PDE4C: variants seen among roughly 807,000 people sequenced by gnomAD.
PDE4C encodes phosphodiesterase 4C.
In PDE4C, 50 loss-of-function variants were observed where a neutral mutation model predicts 63.9. The observed-to-expected ratio is 0.78, with a 90% CI of 0.62 to 0.99. The LOEUF is 0.99. PDE4C is among the 50% of genes least tolerant of loss of function. The pLI, the probability that PDE4C is intolerant of heterozygous loss-of-function variation, is 0.00. For missense variants in PDE4C, 777 were observed against 899.1 expected (o/e 0.86, Z 1.74); for synonymous variants, 377 against 385.1 (o/e 0.98, Z 0.25).
Position 18,219,226 on chromosome 19 carries a change from G to A in PDE4C, c.870+8C>T. 6.2e-7 allele frequency: 1 copy of A among 1,614,086 alleles called. No individual in the cohort carries two copies. The highest frequency in any genetic ancestry group is 1.3e-5 in the African/African-American group (1 of 75,044). ...ACCTTGATCTTGGCATTGTGGTTGG[G>A]GACCCACCTTGGCCAGTTGCTCCTC... On this transcript the variant is annotated splice_region_variant and intron_variant, in intron 8 of 14. Transcript: ENST00000262805.
At chr19:18,231,089 G>A (rs573750987), upstream of PDE4C, among the ~76,000 whole-genome samples, 53 of 152,322 alleles carry the variant, frequency 3.5e-4, 1 homozygote, top group African/African-American at 1.2e-3. Flanking sequence ...CCGAGGCTCC[G>A]GGAGGCACCA....
At chr19:18,224,298 C>T (rs950357562) in intron 1 of PDE4C, 4 of 985,472 alleles carry the variant, frequency 4.1e-6, no homozygotes, top group Non-Finnish European at 4.8e-6. Context: ...ACCGGGACCG[C>T]CTGAGACTCG....
At chr19:18,216,707 G>T in intron 12 of PDE4C, 34 bp downstream of exon 12, 2 of 1,533,034 alleles carry the variant, frequency 1.3e-6, no homozygotes, top group Non-Finnish European at 8.8e-7. Flanking sequence ...GCTCCCCTCT[G>T]CCCCTCCCGC....
exon 15 of PDE4C, chr19:18,211,089 A>G (rs371324110): frequency 6.2e-7 from 1 of 1,614,142 alleles, no homozygotes; most frequent in African/African-American, 1.3e-5. Context: ...CTCCAGAGTC[A>G]GTTCAAACTG....
intron 11 of PDE4C, 78 bp downstream of exon 11, chr19:18,218,071 C>T: frequency 9.3e-7 from 1 of 1,069,936 alleles, no homozygotes; most frequent in Non-Finnish European, 1.4e-6. Flanking sequence ...CAGATGGGAA[C>T]CCCCTGAGAT....
chr19:18,219,755 C>T (rs930331140), intron 7 of PDE4C: 8 of 229,502 alleles, frequency 3.5e-5, no homozygotes, highest in South Asian at 3.0e-4. Context: ...ACCCAGGAGG[C>T]GGAGGTTGCA....
chr19:18,226,527 T>A, upstream of PDE4C: 1 of 798,994 alleles, frequency 1.3e-6, no homozygotes, highest in Non-Finnish European at 1.7e-6. Context: ...CGGCCCCGCC[T>A]CGAGGCCGGC....
chr19:18,220,281 G>A lies in PDE4C; in HGVS notation c.651C>T (p.Ser217=), dbSNP rs770398735. The change falls in exon 7 of 15, where the codon TCC becomes TCT. Residue 217 remains serine, a synonymous_variant. Transcript: ENST00000262805. This position sits in a 1 kb window ranked among gnomAD's most constrained non-coding sequence, Gnocchi z 5.1. ...CCTGGTTCCCGGAGCGGCTGGTTTC[G>A]GACAGGTGGGTCAACTCCCGGTTCA... The A allele has an allele frequency of 1.9e-5, 30 of 1,613,980 alleles. No individual in the cohort carries two copies. The Admixed American group carries it at 3.2e-4, about 17-fold the overall frequency.
At chr19:18,233,079 C>A (rs1464698739) in exon 1 of PDE4C, 4 of 1,570,224 alleles carry the variant, frequency 2.5e-6, no homozygotes, top group Non-Finnish European at 3.5e-6. Context: ...GCGGATGGGG[C>A]GCCGGGGTTG....
chr19:18,230,619 GC>G (rs1968828512), upstream of PDE4C, among the ~76,000 whole-genome samples: 1 of 152,108 alleles, frequency 6.6e-6, no homozygotes, highest in African/African-American at 2.4e-5. Context: ...TGAGTCTGAG[GC>G]TTTGCACATT....
upstream of PDE4C, among the ~76,000 whole-genome samples, chr19:18,233,882 G>A (rs1220179038): frequency 1.3e-5 from 2 of 152,212 alleles, no homozygotes; most frequent in African/African-American, 2.4e-5. Context: ...GGTCTTCGGA[G>A]GTACGTACAG....
At chr19:18,209,015 C>T (rs1381197442), downstream of PDE4C, 1 of 152,190 alleles carries the variant, frequency 6.6e-6, no homozygotes, top group African/African-American at 2.4e-5. Context: ...TCCAGAGACA[C>T]CAAAGACAGA....
At chr19:18,221,070 G>GCCCC in intron 4 of PDE4C, 35 bp downstream of exon 4, 1 of 760,418 alleles carries the variant, frequency 1.3e-6, no homozygotes, top group Non-Finnish European at 1.8e-6. Context: ...TGTCTCTGCC[G>GCCCC]GCCCCGCCCC....
chr19:18,231,184 C>T (rs571223426), upstream of PDE4C, among the ~76,000 whole-genome samples: 1 of 152,332 alleles, frequency 6.6e-6, no homozygotes, highest in South Asian at 2.1e-4. Flanking sequence ...GGGGTGAACC[C>T]CTACCCTCAT....
At chr19:18,230,008 T>TC (rs1430733859), upstream of PDE4C, among the ~76,000 whole-genome samples, 2 of 152,118 alleles carry the variant, frequency 1.3e-5, no homozygotes, top group African/African-American at 4.8e-5. Flanking sequence ...TGATGCTTTG[T>TC]CTTTTGGGTT....
At chr19:18,252,110 C>T (rs969544114), upstream of PDE4C, 1 of 399,054 alleles carries the variant, frequency 2.5e-6, no homozygotes, top group Non-Finnish European at 4.4e-6. Context: ...TCAAGGGCTC[C>T]GTTCCGGGGC....
the PDE4C span, among the ~76,000 whole-genome samples, chr19:18,254,681 CAG>C: frequency 8.9e-4 from 135 of 152,260 alleles, no homozygotes; most frequent in Non-Finnish European, 1.6e-3. Context: ...GGACACCGGT[CAG>C]AGAGAGTGAC....
Position 18,222,071 on chromosome 19 carries a change from T to C in PDE4C, c.338+61A>G. ...TGGCTATTTGAAGGAGCTTGCTGAATAGAGGAACAAAGGAAGGAGGGAGGG... is the reference window on the plus strand; with the variant it reads ...TGGCTATTTGAAGGAGCTTGCTGAACAGAGGAACAAAGGAAGGAGGGAGGG... On this transcript the variant is annotated intron_variant, in intron 2 of 14. Coordinates refer to ENST00000262805, the Ensembl canonical transcript of PDE4C. 4 of 1,439,214 alleles carry C rather than the reference T, an allele frequency of 2.8e-6. No homozygotes were observed. In the South Asian group the frequency reaches 5.0e-5, roughly 18 times the overall value. The allele number at this position is 1,439,214 out of a possible 1,614,324, so 89.2% of individuals were successfully genotyped here. A position where few individuals can be genotyped will look rare whatever the true frequency, so the allele number is the denominator to read the frequency against.
chr19:18,242,547 T>G (rs1173084696), intron 1 of PDE4C, among the ~76,000 whole-genome samples: 1 of 143,122 alleles, frequency 7.0e-6, no homozygotes, highest in Non-Finnish European at 1.5e-5. Flanking sequence ...TTTGGGAGGC[T>G]GAGGTGGGCA....
Sources: allele counts gnomAD v4.1 joint callset (sites outside exome capture counted in the v4.1 genomes callset), GRCh38; gene constraint gnomAD v4.1.1; non-coding constraint Gnocchi (gnomAD v3.1); transcripts MANE v1.5; gene names NCBI Gene and HGNC (gene_info 2026-07-23, HGNC 2026-07-21).